The following ABCC9 variants were observed in gnomAD, a reference collection of about 807,000 sequenced individuals.
ABCC9 encodes the protein ATP binding cassette subfamily C member 9.
Under a neutral mutation model 188.3 loss-of-function variants are expected in ABCC9, and 95 were observed. That is an observed-to-expected ratio of 0.50 (90% confidence interval 0.43 to 0.60). The LOEUF is 0.60. Ranked by LOEUF, ABCC9 falls within the 20% of genes least tolerant of loss-of-function variation. The pLI is 0.00. For missense variants in ABCC9, 1,102 were observed against 1,876.3 expected (o/e 0.59, Z 7.62); for synonymous variants, 659 against 652.7 (o/e 1.01, Z -0.15).
chr12:21,897,407 A>G (rs991643998), intron 12 of ABCC9, among the ~76,000 whole-genome samples: 10 of 152,052 alleles, frequency 6.6e-5, no homozygotes, highest in Non-Finnish European at 1.0e-4. Context: ...TTTTCACCCT[A>G]TATTCTAAGT....
chr12:21,829,316 C>T (rs1182429238), intron 30 of ABCC9, among the ~76,000 whole-genome samples: 1 of 150,464 alleles, frequency 6.6e-6, no homozygotes, highest in Non-Finnish European at 1.5e-5. Flanking sequence ...ATTCTTCTGC[C>T]TCAGCCTCCT....
At chr12:21,874,452 G>T (rs748616530) in intron 17 of ABCC9, among the ~76,000 whole-genome samples, 16 of 152,252 alleles carry the variant, frequency 1.1e-4, no homozygotes, top group Admixed American at 2.6e-4. Flanking sequence ...CAGTATAGAG[G>T]TTCCTCGAAA....
rs759869766 is a variant in ABCC9, at chr12:21,912,983, A to G, written c.900T>C (p.Ser300=). Residue 300 remains serine (S), a synonymous_variant, in exon 8 of 40, where the codon AGT becomes AGC. Transcript: ENST00000261200. ...AATCAGCCAGATAGCGGAATGTGCT[A>G]CTAAGTAGAATTGGTCGCCCAAAAG... The part of the protein sequence containing the change: ...YRAFGRPILL[S]STFRYLADLL... 18 of 1,613,532 alleles carry G rather than the reference A, an allele frequency of 1.1e-5. No individual in the cohort carries two copies. Among genetic ancestry groups the G allele is most frequent in the African/African-American group, 4.0e-5 (3 of 74,876 alleles).
chr12:21,807,507 C>T (rs1941939071), intron 37 of ABCC9, 28 bp from the exon 38 acceptor site: 1 of 1,613,444 alleles, frequency 6.2e-7, no homozygotes, highest in African/African-American at 1.3e-5. Flanking sequence ...GCAAGGATTT[C>T]ACTAAAGAAA....
chr12:21,807,237 C>T, intron 38 of ABCC9, 109 bp downstream of exon 38: 1 of 1,486,926 alleles, frequency 6.7e-7, no homozygotes, highest in Non-Finnish European at 9.3e-7. Flanking sequence ...AGCAGATTCT[C>T]AAAACAATAG....
Position 21,852,353 on chromosome 12 carries a change from C to A in ABCC9, c.2643+15G>T. The A allele has an allele frequency of 6.2e-7, 1 of 1,613,816 alleles. No individual in the cohort carries two copies. The highest frequency in any genetic ancestry group is 1.1e-5 in the South Asian group (1 of 91,076). On this transcript the variant is annotated intron_variant, in intron 23 of 39. Coordinates refer to ENST00000261200, the MANE Select transcript of ABCC9 (RefSeq NM_020297.4). Reference sequence around the variant, plus strand: ...ATAATATAAAAATGAGCAAAATTCTCTTCTAAACTCTTACCCAGTCAGCAT... The same window carrying A: ...ATAATATAAAAATGAGCAAAATTCTATTCTAAACTCTTACCCAGTCAGCAT...
chr12:21,901,223 G>A (rs2137797274), intron 12 of ABCC9, among the ~76,000 whole-genome samples: 1 of 152,230 alleles, frequency 6.6e-6, no homozygotes, highest in East Asian at 1.9e-4. Flanking sequence ...AAGTGAAGGA[G>A]AAATAAAATA....
chr12:21,845,256 T>G (rs753933650), intron 26 of ABCC9, among the ~76,000 whole-genome samples: 1 of 152,140 alleles, frequency 6.6e-6, no homozygotes, highest in Non-Finnish European at 1.5e-5. Flanking sequence ...AATATACTGA[T>G]GTAGGTAGTT....
chr12:21,926,269 A>G (rs1393221667), intron 4 of ABCC9, among the ~76,000 whole-genome samples: 1 of 152,226 alleles, frequency 6.6e-6, no homozygotes. Flanking sequence ...ATGAATGGCC[A>G]AGTAAACAAC....
In ABCC9 at chr12:21,800,703, A is replaced by G; in HGVS notation, c.*341T>C. The G allele has an allele frequency of 3.1e-6, 1 of 324,048 alleles. No homozygotes were observed. 20.1% of individuals were successfully genotyped at this position (324,048 alleles called of 1,614,324 possible). On this transcript the variant is annotated 3_prime_UTR_variant, in exon 40 of 40. Transcript: ENST00000261200. ...AAACAAGAGTATAGTAATACTGACT[A>G]CTCATTGACACTTCCATTCCTGAGA...
chr12:21,911,895 A>ATTTCCATTATAAC (rs143730509), intron 8 of ABCC9, among the ~76,000 whole-genome samples: 1 of 151,958 alleles, frequency 6.6e-6, no homozygotes, highest in Non-Finnish European at 1.5e-5. Flanking sequence ...TATCTGGTTC[A>ATTTCCATTATAAC]TGAACACTAA....
chr12:21,860,855 GA>G, intron 21 of ABCC9, 115 bp downstream of exon 21: 1 of 819,790 alleles, frequency 1.2e-6, no homozygotes, highest in Non-Finnish European at 2.0e-6. Context: ...TTCTTACTGG[GA>G]CAACATACAA....
chr12:21,862,061 C>G (rs761550240), intron 20 of ABCC9, among the ~76,000 whole-genome samples: 1 of 151,076 alleles, frequency 6.6e-6, no homozygotes, highest in Non-Finnish European at 1.5e-5. Context: ...ATTCTTCCCT[C>G]TTCTTCTTCC....
rs1948391705 is a variant in ABCC9, at chr12:21,913,017, A to G, written c.866T>C (p.Met289Thr). ...PNRTPSIWLA[M>T]YRAFGRPILL... is the part of the protein sequence containing the mutation. ...AATTGGTCGCCCAAAAGCTCTGTAC[A>G]TTGCAAGCCATATAGATGGAGTCCG... The change falls in exon 8 of 40, where the codon ATG becomes ACG. Residue 289 changes from methionine to threonine, a missense_variant. Met to Thr is a moderately conservative substitution (Grantham distance 81, BLOSUM62 -1). This residue lies in a region of ABCC9 where 305 missense variants were observed against 573.0 expected (regional missense o/e 0.53). Transcript: ENST00000261200. The G allele has an allele frequency of 1.2e-6, 2 of 1,611,282 alleles. No homozygotes were observed. Among genetic ancestry groups the G allele is most frequent in the Non-Finnish European group, 1.7e-6 (2 of 1,179,098 alleles).
chr12:21,798,169 G>C lies in ABCC9; in HGVS notation c.*2875C>G, dbSNP rs1267463508. 1 of 152,172 alleles carries C rather than the reference G, an allele frequency of 6.6e-6. No homozygotes were observed. Among genetic ancestry groups the C allele is most frequent in the African/African-American group, 2.4e-5 (1 of 41,456 alleles). The allele number at this position is 152,172 out of a possible 1,614,324, so 9.4% of individuals were successfully genotyped here. On this transcript the variant is annotated 3_prime_UTR_variant, in exon 40 of 40. Transcript: ENST00000261200. ...GTAAGAATGGTGAATGTGATCTTTA[G>C]TTTAGTGTAACTAGATAGGCTTCTA...
chr12:21,911,143 C>G (rs1948305682), intron 8 of ABCC9, among the ~76,000 whole-genome samples, 165 bp from the exon 9 acceptor site: 1 of 151,504 alleles, frequency 6.6e-6, no homozygotes, highest in Non-Finnish European at 1.5e-5. Context: ...CATAAAATCC[C>G]TAATTGATTA....
At chr12:21,889,581 AT>A (rs1480851960) in intron 14 of ABCC9, among the ~76,000 whole-genome samples, 4 of 152,314 alleles carry the variant, frequency 2.6e-5, no homozygotes, top group Admixed American at 6.5e-5. Flanking sequence ...CATTCAAGGA[AT>A]GTTTGTTCAA....
At chr12:21,940,514 A>G (rs1949648946) in intron 2 of ABCC9, among the ~76,000 whole-genome samples, 196 bp downstream of exon 2, 2 of 152,188 alleles carry the variant, frequency 1.3e-5, no homozygotes, top group African/African-American at 4.8e-5. Flanking sequence ...TCCAAGTGGG[A>G]AAATCACTGG....
In ABCC9 at chr12:21,815,842, T is replaced by A; in HGVS notation, c.3944A>T (p.His1315Leu). 1.2e-6 allele frequency: 2 copies of A among 1,612,864 alleles called. No homozygotes were observed. The highest frequency in any genetic ancestry group is 1.7e-6 in the Non-Finnish European group (2 of 1,179,108). ...HWPQEGEIKI[H>L]DLCVRYENNL... ...ATTTTCATATCTGACACACAGATCA[T>A]GTATCTTGATCTCCCCTTCTTGTGG... The change falls in exon 34 of 40, where the codon CAT (histidine) becomes CTT (leucine). Residue 1315 changes from histidine to leucine, a missense_variant. This residue lies in a region of ABCC9 where 143 missense variants were observed against 225.6 expected (regional missense o/e 0.63). Coordinates refer to ENST00000261200, the MANE Select transcript of ABCC9 (RefSeq NM_020297.4).
Sources: gnomAD v4.1 joint callset for allele counts (sites outside exome capture counted in the v4.1 genomes callset) on GRCh38, gnomAD v4.1.1 for gene constraint, gnomAD v4.1.1 regional missense constraint, MANE v1.5 for transcripts, NCBI Gene and HGNC (gene_info 2026-07-23, HGNC 2026-07-21) for gene names.